Variants in GPC6 observed in about 807,000 individuals in gnomAD.
GPC6 encodes glypican 6.
GPC6 carries 14 observed loss-of-function variants against 55.2 expected under a neutral mutation model. The ratio of observed to expected loss-of-function variants is 0.25; its 90% CI spans 0.17 to 0.40. The LOEUF (loss-of-function observed/expected upper bound fraction) is 0.40. GPC6 is among the 10% of genes least tolerant of loss of function. The pLI, the probability that GPC6 is intolerant of heterozygous loss-of-function variation, is 1.00. For missense variants in GPC6, 641 were observed against 708.5 expected, an observed-to-expected ratio of 0.90 and a Z score of 1.08; for synonymous variants, 278 against 259.6, an observed-to-expected ratio of 1.07 and a Z score of -0.68.
chr13:94,001,489 A>C (rs1881798629), intron 3 of GPC6, among the ~76,000 whole-genome samples: 1 of 152,188 alleles, frequency 6.6e-6, no homozygotes, highest in African/African-American at 2.4e-5. Context: ...TGATGTGTAC[A>C]CTAAATTCTT....
chr13:93,749,671 T>A (rs1426042995), intron 2 of GPC6, among the ~76,000 whole-genome samples: 1 of 152,068 alleles, frequency 6.6e-6, no homozygotes, highest in African/African-American at 2.4e-5. Flanking sequence ...GGTTCTATAA[T>A]TAAAAGCAAT....
chr13:93,241,931 C>T (rs1441272410), intron 1 of GPC6, among the ~76,000 whole-genome samples: 2 of 151,834 alleles, frequency 1.3e-5, no homozygotes, highest in African/African-American at 4.8e-5. Context: ...GTGTAAGTTC[C>T]TTGGTTATAC....
chr13:93,626,149 A>G (rs1879192083), intron 2 of GPC6, among the ~76,000 whole-genome samples: 1 of 152,214 alleles, frequency 6.6e-6, no homozygotes, highest in Non-Finnish European at 1.5e-5. Flanking sequence ...AGCATCCTGT[A>G]AGGAAACACA....
intron 3 of GPC6, among the ~76,000 whole-genome samples, chr13:93,954,830 C>G (rs942118081): frequency 2.6e-5 from 4 of 152,112 alleles, no homozygotes; most frequent in Non-Finnish European, 5.9e-5. Context: ...CTCACTTACC[C>G]CAGGTTTAGT....
rs932408517 is a variant in GPC6 at position 94,312,255 on chromosome 13, G to C, written c.1152+6132G>C. 3.3e-5 allele frequency among the ~76,000 whole-genome samples: 5 copies of C among 152,132 alleles called. No homozygotes were observed. The South Asian group carries it at 6.2e-4, about 19-fold the overall frequency. On this transcript the variant is annotated intron_variant, in intron 6 of 8. Transcript: ENST00000377047. ...TGAAATTCATCGGTAGGTCACTGGT[G>C]ACAAACATGTTGTTAATATTATTAC...
intron 1 of GPC6, among the ~76,000 whole-genome samples, chr13:93,461,014 G>T (rs1442479503): frequency 6.6e-6 from 1 of 152,080 alleles, no homozygotes; most frequent in Non-Finnish European, 1.5e-5. Context: ...TCTAGCATTG[G>T]TAAGGAGTAA....
At chr13:93,944,215 T>C (rs1322768258) in intron 3 of GPC6, among the ~76,000 whole-genome samples, 1 of 142,706 alleles carries the variant, frequency 7.0e-6, no homozygotes, top group Non-Finnish European at 1.5e-5. Context: ...TATTTATTTA[T>C]TTTTTCCTGA....
At position 94,186,059 on chromosome 13, in the gene GPC6, C is replaced by CAAAAAAAAAAAAAAAAA; in HGVS notation, c.878-100290_878-100289insAAAAAAAAAAAAAAAAA. ...TAGGTGACAGAGCGAGACTCCGTCT[C>CAAAAAAAAAAAAAAAAA]CAAAAAAAAAAAAAAAAAAAAGGTT... On this transcript the variant is annotated intron_variant, in intron 4 of 8. Transcript: ENST00000377047. Among the ~76,000 whole-genome samples the CAAAAAAAAAAAAAAAAA allele has an allele frequency of 3.1e-5, 2 of 63,840 alleles. 1 individual carries two copies. The allele number at this position is 63,840 out of a possible 152,430, so 41.9% of individuals were successfully genotyped here.
intron 2 of GPC6, among the ~76,000 whole-genome samples, chr13:93,767,691 T>G (rs2138887199): frequency 6.6e-6 from 1 of 152,248 alleles, no homozygotes. Flanking sequence ...CACTGATCAG[T>G]AAAAACCGAT....
At chr13:93,549,477 A>G (rs923983135) in intron 2 of GPC6, among the ~76,000 whole-genome samples, 7 of 152,152 alleles carry the variant, frequency 4.6e-5, no homozygotes, top group African/African-American at 1.7e-4. Context: ...CCTGCCCTTC[A>G]TGGATTTTTA....
intron 3 of GPC6, among the ~76,000 whole-genome samples, chr13:93,905,037 T>A (rs1294418239): frequency 6.6e-6 from 1 of 151,120 alleles, no homozygotes; most frequent in Non-Finnish European, 1.5e-5. Context: ...TTTGGTTTTT[T>A]GTTCTTGCAA....
At chr13:93,420,138 A>G (rs1053873330) in intron 1 of GPC6, among the ~76,000 whole-genome samples, 1 of 152,210 alleles carries the variant, frequency 6.6e-6, no homozygotes, top group Non-Finnish European at 1.5e-5. Flanking sequence ...ATTAATATGC[A>G]TATAGCACCA....
At chr13:93,335,459 T>C (rs1439570930) in intron 1 of GPC6, among the ~76,000 whole-genome samples, 1 of 152,172 alleles carries the variant, frequency 6.6e-6, no homozygotes, top group East Asian at 1.9e-4. Context: ...TTAGGAAGAC[T>C]AAATAACTTG....
At chr13:93,332,960 TG>T (rs905889062) in intron 1 of GPC6, among the ~76,000 whole-genome samples, 18 of 152,290 alleles carry the variant, frequency 1.2e-4, no homozygotes, top group African/African-American at 4.1e-4. Flanking sequence ...AAAAGACTGT[TG>T]TTACCTCAAT....
chr13:93,308,183 G>A (rs1878942281), intron 1 of GPC6, among the ~76,000 whole-genome samples: 1 of 152,124 alleles, frequency 6.6e-6, no homozygotes, highest in Admixed American at 6.5e-5. Flanking sequence ...TACTCGGGAG[G>A]CTGAGGCAGG....
intron 1 of GPC6, among the ~76,000 whole-genome samples, chr13:93,506,848 G>GT (rs1190903186): frequency 2.0e-5 from 3 of 148,324 alleles, no homozygotes; most frequent in African/African-American, 7.5e-5. Context: ...AATCCATCCT[G>GT]GCTAACACGG....
chr13:94,194,652 G>A (rs1222897979), intron 4 of GPC6, among the ~76,000 whole-genome samples: 2 of 152,132 alleles, frequency 1.3e-5, no homozygotes, highest in African/African-American at 4.8e-5. Flanking sequence ...TGTATTTATT[G>A]TATACTGCTG....
In GPC6 at chr13:93,895,813, C is replaced by A. The variant is rs146350000; in HGVS notation, c.711+65268C>A. Among the ~76,000 whole-genome samples the A allele has an allele frequency of 2.7e-3, 407 of 151,968 alleles. 1 individual carries two copies. The highest frequency in any genetic ancestry group is 9.5e-3 in the African/African-American group (395 of 41,496). On this transcript the variant is annotated intron_variant, in intron 3 of 8. Transcript: ENST00000377047. ...ATGGATTCAGGTTTGATTTTTGTGC[C>A]CAAACTTTTAAAATCTTACCAGAAT...
At chr13:93,843,075 A>C (rs1468221020) in intron 3 of GPC6, among the ~76,000 whole-genome samples, 2 of 136,496 alleles carry the variant, frequency 1.5e-5, no homozygotes, top group Non-Finnish European at 3.1e-5. Flanking sequence ...CCTCGGTGGC[A>C]CTTCTTTTTT....
Sources: allele counts gnomAD v4.1 joint callset (sites outside exome capture counted in the v4.1 genomes callset), GRCh38; gene constraint gnomAD v4.1.1; transcripts MANE v1.5; gene names NCBI Gene and HGNC (gene_info 2026-07-23, HGNC 2026-07-21).